DNM1L: variants seen among roughly 807,000 people sequenced by gnomAD.
The protein encoded by DNM1L is dynamin 1L, also known as dynamin-1-like protein.
A neutral mutation model predicts 92.8 loss-of-function variants in DNM1L; 33 were observed. The ratio of observed to expected loss-of-function variants is 0.36; its 90% CI spans 0.27 to 0.48. DNM1L has a LOEUF of 0.48. DNM1L is among the 20% of genes least tolerant of loss of function. The probability of loss-of-function intolerance (pLI) is 0.99; values close to 1 mark genes in which losing one functional copy is unlikely to be tolerated. For synonymous variants in DNM1L, 284 were observed against 305.0 expected (o/e 0.93, Z 0.72); for missense variants, 485 against 888.8 (o/e 0.55, Z 5.78).
chr12:32,691,539 G>A (rs547473697), intron 1 of DNM1L, among the ~76,000 whole-genome samples: 20 of 152,218 alleles, frequency 1.3e-4, no homozygotes, highest in South Asian at 6.2e-4. Flanking sequence ...CACCGTGCCC[G>A]GCTGGACTTG....
At chr12:32,726,608 A>G (rs1486287638) in intron 9 of DNM1L, 3 of 1,133,176 alleles carry the variant, frequency 2.6e-6, no homozygotes, top group East Asian at 4.7e-5. Context: ...TAGCTTCAGC[A>G]TCATCATCCA....
intron 6 of DNM1L, among the ~76,000 whole-genome samples, chr12:32,716,762 A>ATATG (rs1953399232): frequency 6.8e-6 from 1 of 146,314 alleles, no homozygotes; most frequent in Non-Finnish European, 1.5e-5. Flanking sequence ...ATATATATAT[A>ATATG]TAGTAACTGA....
chr12:32,718,080 CATATTTTATATATATACTATAT>C (rs1181183785), intron 6 of DNM1L, among the ~76,000 whole-genome samples: 46 of 130,886 alleles, frequency 3.5e-4, no homozygotes, highest in African/African-American at 1.3e-3. Flanking sequence ...ATATACTATA[CATATTTTATATATATACTATAT>C]ATATTTTATA....
At chr12:32,683,365 C>T (rs915137295) in intron 1 of DNM1L, among the ~76,000 whole-genome samples, 1 of 151,654 alleles carries the variant, frequency 6.6e-6, no homozygotes, top group Non-Finnish European at 1.5e-5. Context: ...GCTGGGACTA[C>T]AGGCACGCAT....
In DNM1L at chr12:32,744,878, A is replaced by G; in HGVS notation, c.*1468A>G. The G allele has an allele frequency of 2.0e-6, 1 of 504,880 alleles. No individual in the cohort carries two copies. Among genetic ancestry groups the G allele is most frequent in the Non-Finnish European group, 3.9e-6 (1 of 253,776 alleles). The allele number at this position is 504,880 out of a possible 1,614,324, so 31.3% of individuals were successfully genotyped here. A position where few individuals can be genotyped will look rare whatever the true frequency, so the allele number is the denominator to read the frequency against. On this transcript the variant is annotated 3_prime_UTR_variant, in exon 20 of 20. Transcript: ENST00000549701. ...GAACGACTATATTATAAATTTTAAGATGTACTTAGAAATCCTTAAGACATC... is the reference window on the plus strand; with the variant it reads ...GAACGACTATATTATAAATTTTAAGGTGTACTTAGAAATCCTTAAGACATC...
intron 1 of DNM1L, among the ~76,000 whole-genome samples, chr12:32,680,451 G>A (rs1951764290): frequency 6.6e-6 from 1 of 152,104 alleles, no homozygotes; most frequent in South Asian, 2.1e-4. Flanking sequence ...CTATCAGAAG[G>A]AACTTACTGT....
At chr12:32,715,301 T>C (rs953218806) in intron 6 of DNM1L, among the ~76,000 whole-genome samples, 10 of 151,796 alleles carry the variant, frequency 6.6e-5, no homozygotes, top group Non-Finnish European at 1.5e-4. Flanking sequence ...AAGGAAATAA[T>C]CCAGCCCAGT....
chr12:32,702,728 A>G (rs567478905), intron 2 of DNM1L, among the ~76,000 whole-genome samples: 3 of 152,168 alleles, frequency 2.0e-5, no homozygotes, highest in South Asian at 2.1e-4. Context: ...AGCATCTGCT[A>G]TGACTCTAGA....
In DNM1L at chr12:32,743,803, A is replaced by C. The variant is rs77298476; in HGVS notation, c.*393A>C. The C allele has an allele frequency of 7.0e-3, 1,649 of 234,596 alleles. 34 individuals carry two copies. Among genetic ancestry groups the C allele is most frequent in the African/African-American group, 0.034 (1,506 of 44,318 alleles). 14.5% of individuals were successfully genotyped at this position (234,596 alleles called of 1,614,324 possible). A position where few individuals can be genotyped will look rare whatever the true frequency, so the allele number is the denominator to read the frequency against. ...CCTCCAAGAAGAAAGCACCAAGACAACATTTCATATGACTATAATGCATGT... is the reference window on the plus strand; with the variant it reads ...CCTCCAAGAAGAAAGCACCAAGACACCATTTCATATGACTATAATGCATGT... On this transcript the variant is annotated 3_prime_UTR_variant, in exon 20 of 20. Transcript: ENST00000549701.
chr12:32,739,805 TAAAG>T lies in DNM1L; in HGVS notation c.1708-255_1708-252del, dbSNP rs937263504. ...ACGATTTTGAAAAGTTAGCGAATGATAAAGAAAAAAGGAATTAAATAGAACATAA... is the reference window on the plus strand; with the variant it reads ...ACGATTTTGAAAAGTTAGCGAATGATAAAAAAGGAATTAAATAGAACATAA... On this transcript the variant is annotated intron_variant, in intron 16 of 19. Transcript: ENST00000549701. 36 of 442,114 alleles carry T rather than the reference TAAAG, an allele frequency of 8.1e-5. No individual in the cohort carries two copies. In the East Asian group the frequency reaches 9.9e-4, roughly 12 times the overall value. The allele number at this position is 442,114 out of a possible 1,614,324, so 27.4% of individuals were successfully genotyped here.
intron 6 of DNM1L, 101 bp from the exon 7 acceptor site, chr12:32,718,542 G>C: frequency 6.9e-7 from 1 of 1,447,942 alleles, no homozygotes; most frequent in Admixed American, 1.7e-5. Context: ...ATACTAAGTG[G>C]GATTGTAGAT....
At chr12:32,726,600 G>T in intron 9 of DNM1L, 1 of 1,157,772 alleles carries the variant, frequency 8.6e-7, no homozygotes, top group Non-Finnish European at 1.3e-6. Flanking sequence ...AGCAAGGATA[G>T]CTTCAGCATC....
intron 17 of DNM1L, 77 bp downstream of exon 17, chr12:32,740,317 A>G (rs1955199812): frequency 1.2e-6 from 2 of 1,611,256 alleles, no homozygotes; most frequent in African/African-American, 2.7e-5. Context: ...AGAAAGAACT[A>G]AAAGTCTCAA....
intron 1 of DNM1L, chr12:32,692,660 C>T (rs1266817023): frequency 1.3e-5 from 2 of 152,272 alleles, no homozygotes; most frequent in Non-Finnish European, 2.9e-5. Flanking sequence ...TTTGTGGTTT[C>T]TAGAAGCATC....
intron 1 of DNM1L, among the ~76,000 whole-genome samples, chr12:32,697,490 G>A (rs774258534): frequency 8.5e-5 from 13 of 152,200 alleles, no homozygotes; most frequent in Non-Finnish European, 2.9e-5. Flanking sequence ...AATAATGTTC[G>A]TGGTGGTAGT....
At chr12:32,713,889 A>C (rs1953244371) in intron 6 of DNM1L, among the ~76,000 whole-genome samples, 1 of 152,222 alleles carries the variant, frequency 6.6e-6, no homozygotes. Context: ...TACATTCTGC[A>C]GAGGTAGATA....
Position 32,731,777 on chromosome 12 carries a change from G to T in DNM1L, c.1357-77G>T. The stretch of plus-strand genomic sequence containing the variant: ...TCAGCTACTTGGGAGGCTAAGGTGG[G>T]AGGATGGCTTAGTGAGACTATGACT... On this transcript the variant is annotated intron_variant, in intron 11 of 19. Transcript: ENST00000549701. This position sits in a 1 kb window ranked among gnomAD's most constrained non-coding sequence, Gnocchi z 5.1. The T allele has an allele frequency of 8.0e-7, 1 of 1,249,374 alleles. No individual in the cohort carries two copies. Among genetic ancestry groups the T allele is most frequent in the South Asian group, 1.2e-5 (1 of 81,668 alleles). 77.4% of individuals were successfully genotyped at this position (1,249,374 alleles called of 1,614,324 possible).
intron 6 of DNM1L, among the ~76,000 whole-genome samples, chr12:32,717,058 A>AAT (rs1953415258): frequency 7.2e-6 from 1 of 138,186 alleles, no homozygotes; most frequent in African/African-American, 2.7e-5. Context: ...TTCAGTTACA[A>AAT]ATATATATAC....
In DNM1L at chr12:32,743,434, T is replaced by A; in HGVS notation, c.*24T>A. 1 of 1,611,982 alleles carries A rather than the reference T, an allele frequency of 6.2e-7. No individual in the cohort carries two copies. The highest frequency in any genetic ancestry group is 8.5e-7 in the Non-Finnish European group (1 of 1,178,270). On this transcript the variant is annotated 3_prime_UTR_variant, in exon 20 of 20. Transcript: ENST00000549701. Reference sequence around the variant, plus strand: ...GAAGAGAACTATGTAATACTGAGACTTTGTTGACTCAAAACTTGCTAGTTA... The same window carrying A: ...GAAGAGAACTATGTAATACTGAGACATTGTTGACTCAAAACTTGCTAGTTA...
Sources: gnomAD v4.1 joint callset for allele counts (sites outside exome capture counted in the v4.1 genomes callset) on GRCh38, gnomAD v4.1.1 for gene constraint, Gnocchi (gnomAD v3.1) non-coding constraint, MANE v1.5 for transcripts, NCBI Gene and HGNC (gene_info 2026-07-23, HGNC 2026-07-21) for gene names.